The following FAM135B variants were observed in gnomAD, a reference collection of about 807,000 sequenced individuals.
FAM135B encodes protein FAM135B.
Under a neutral mutation model 127.7 loss-of-function variants are expected in FAM135B, and 43 were observed. That is an observed-to-expected ratio of 0.34 (90% CI 0.26 to 0.43). FAM135B has a LOEUF of 0.43. FAM135B is among the 20% of genes least tolerant of loss of function. The pLI is 1.00. For missense variants in FAM135B, 1,558 were observed against 1,725.6 expected, an observed-to-expected ratio of 0.90 and a Z score of 1.72; for synonymous variants, 670 against 665.1, an observed-to-expected ratio of 1.01 and a Z score of -0.11.
intron 1 of FAM135B, among the ~76,000 whole-genome samples, chr8:138,427,564 C>T (rs1024346437): frequency 6.6e-6 from 1 of 152,036 alleles, no homozygotes; most frequent in African/African-American, 2.4e-5. Context: ...ACTGCAACAA[C>T]TTGCCAGCAT....
intron 3 of FAM135B, among the ~76,000 whole-genome samples, chr8:138,280,942 T>A (rs541732592): frequency 1.3e-5 from 2 of 151,924 alleles, no homozygotes; most frequent in African/African-American, 4.8e-5. Context: ...AGCACAGAGG[T>A]TGCATGTTAT....
At chr8:138,198,143 C>T (rs1325051530) in intron 7 of FAM135B, among the ~76,000 whole-genome samples, 2 of 152,096 alleles carry the variant, frequency 1.3e-5, no homozygotes, top group Non-Finnish European at 2.9e-5. Flanking sequence ...GGGGTTTTTC[C>T]ATGCTGTTCT....
intron 12 of FAM135B, among the ~76,000 whole-genome samples, chr8:138,153,811 A>G (rs527449341): frequency 5.3e-4 from 81 of 152,332 alleles, no homozygotes; most frequent in African/African-American, 1.9e-3. Context: ...GGTGGAGCCC[A>G]CCACAGCTAA....
rs954856654 is a variant in FAM135B at position 138,316,853 on chromosome 8, G to A, written c.78-5933C>T. 4.0e-5 allele frequency among the ~76,000 whole-genome samples: 6 copies of A among 151,826 alleles called. No individual in the cohort carries two copies. The East Asian group carries it at 5.8e-4, about 15-fold the overall frequency. On this transcript the variant is annotated intron_variant, in intron 2 of 19. Coordinates refer to ENST00000395297, the MANE Select transcript of FAM135B (RefSeq NM_015912.4). ...AAGTAAGCCGGGCGTGGTGGTGGGC[G>A]CCTGTAGTCCCAGCTACTCAGGAGG...
At chr8:138,221,701 G>C (rs7840805) in intron 7 of FAM135B, among the ~76,000 whole-genome samples, 44,285 of 152,090 alleles carry the variant, frequency 0.29, 7,418 homozygotes, top group Non-Finnish European at 0.37. Flanking sequence ...GATTACCTCA[G>C]TGATTGGGTA....
At chr8:138,439,724 C>G (rs1835656570) in intron 1 of FAM135B, 1 of 152,220 alleles carries the variant, frequency 6.6e-6, no homozygotes, top group African/African-American at 2.4e-5. Context: ...CCTAACCCCT[C>G]TGCTAGGGAT....
intron 1 of FAM135B, among the ~76,000 whole-genome samples, chr8:138,464,691 T>A (rs1837298091): frequency 6.6e-6 from 1 of 152,062 alleles, no homozygotes; most frequent in Admixed American, 6.5e-5. Context: ...CCAACAGAGA[T>A]CCTTGCGGCT....
intron 3 of FAM135B, among the ~76,000 whole-genome samples, chr8:138,292,706 C>T (rs1341512514): frequency 6.6e-6 from 1 of 152,016 alleles, no homozygotes; most frequent in Non-Finnish European, 1.5e-5. Flanking sequence ...ACAATACACA[C>T]ATATATCAAA....
intron 1 of FAM135B, among the ~76,000 whole-genome samples, chr8:138,466,721 G>A (rs371856054): frequency 6.6e-5 from 10 of 152,076 alleles, no homozygotes; most frequent in Non-Finnish European, 1.2e-4. Context: ...TATTTTTAAC[G>A]CTCTTTGTTA....
At chr8:138,482,162 G>A (rs1032625545) in intron 1 of FAM135B, among the ~76,000 whole-genome samples, 2 of 152,206 alleles carry the variant, frequency 1.3e-5, no homozygotes, top group African/African-American at 4.8e-5. Flanking sequence ...CAGCAGAGGC[G>A]GCATGAGTGT....
rs139983976 is a variant in FAM135B at position 138,344,837 on chromosome 8, A to G, written c.77+23070T>C. Among the ~76,000 whole-genome samples, 878 of 152,196 alleles carry G rather than the reference A, an allele frequency of 5.8e-3. 11 individuals are homozygous for G. The highest frequency in any genetic ancestry group is 0.02 in the African/African-American group (821 of 41,534). On this transcript the variant is annotated intron_variant, in intron 2 of 19. Coordinates refer to ENST00000395297, the MANE Select transcript of FAM135B (RefSeq NM_015912.4). ...TGATCTGCCTGCCTCGGACTCCCAA[A>G]GTGCTGGGATTACAGGCGTGAGCCA...
intron 16 of FAM135B, among the ~76,000 whole-genome samples, chr8:138,142,405 G>A (rs977460682): frequency 4.3e-5 from 6 of 140,192 alleles, no homozygotes; most frequent in African/African-American, 1.6e-4. Flanking sequence ...CCAGGTTCAC[G>A]CCATTCTCCT....
rs540208279 is a variant in FAM135B, at chr8:138,168,425, TTTACTC to T, written c.1104-382_1104-377del. Among the ~76,000 whole-genome samples, 700 of 152,342 alleles carry T rather than the reference TTTACTC, an allele frequency of 4.6e-3. 2 individuals carry two copies. The highest frequency in any genetic ancestry group is 0.013 in the African/African-American group (551 of 41,576). On this transcript the variant is annotated intron_variant, in intron 11 of 19. Coordinates refer to ENST00000395297, the MANE Select transcript of FAM135B (RefSeq NM_015912.4). Reference sequence around the variant, plus strand: ...GAAAAAAATGTAAATGTATGTATCTTTTACTCTTTTCTTACTTCTTAGACCACTTAG... The same window carrying T: ...GAAAAAAATGTAAATGTATGTATCTTTTTTCTTACTTCTTAGACCACTTAG...
chr8:138,182,390 G>C (rs1301990251), intron 9 of FAM135B, among the ~76,000 whole-genome samples: 4 of 152,140 alleles, frequency 2.6e-5, no homozygotes, highest in Admixed American at 2.6e-4. Context: ...GCCCAGAGCT[G>C]TCATAGCTGA....
intron 2 of FAM135B, among the ~76,000 whole-genome samples, chr8:138,332,039 C>A (rs1828219276): frequency 6.6e-6 from 1 of 152,118 alleles, no homozygotes; most frequent in East Asian, 1.9e-4. Context: ...GTTATGAAAC[C>A]CAGTGCTACA....
chr8:138,347,310 C>A (rs898561137), intron 2 of FAM135B, among the ~76,000 whole-genome samples: 1 of 152,224 alleles, frequency 6.6e-6, no homozygotes, highest in Non-Finnish European at 1.5e-5. Context: ...CAACACAAAT[C>A]ATCCCTTCCT....
chr8:138,330,039 G>A (rs1828057636), intron 2 of FAM135B, among the ~76,000 whole-genome samples: 1 of 152,160 alleles, frequency 6.6e-6, no homozygotes, highest in South Asian at 2.1e-4. Flanking sequence ...TTAGTGGCAA[G>A]CTGTCTGATG....
intron 1 of FAM135B, among the ~76,000 whole-genome samples, chr8:138,472,736 A>G (rs182417918): frequency 4.4e-4 from 67 of 152,296 alleles, no homozygotes; most frequent in African/African-American, 1.6e-3. Context: ...CACAACGTGC[A>G]TATTGTTTCC....
chr8:138,338,233 G>A (rs1281502671), intron 2 of FAM135B, among the ~76,000 whole-genome samples: 2 of 151,374 alleles, frequency 1.3e-5, no homozygotes, highest in East Asian at 1.9e-4. Flanking sequence ...CAAAAGCAAT[G>A]GCAACAAAAG....
Sources: gnomAD v4.1 joint callset for allele counts (sites outside exome capture counted in the v4.1 genomes callset) on GRCh38, gnomAD v4.1.1 for gene constraint, MANE v1.5 for transcripts, NCBI Gene and HGNC (gene_info 2026-07-23, HGNC 2026-07-21) for gene names.